GLYATL2: variants seen among roughly 807,000 people sequenced by gnomAD.
GLYATL2 encodes the protein glycine N-acyltransferase-like protein 2.
A neutral mutation model predicts 21.4 loss-of-function variants in GLYATL2; 25 were observed. The observed-to-expected ratio is 1.17, with a 90% CI of 0.85 to 1.63. The LOEUF (loss-of-function observed/expected upper bound fraction) is 1.63, where lower values mean the gene tolerates loss of function less well. Ranked by LOEUF, GLYATL2 falls within the 40% of genes most tolerant of loss-of-function variation. GLYATL2 has a pLI of 0.00. For missense variants in GLYATL2, 361 were observed against 343.3 expected (o/e 1.05, Z -0.41); for synonymous variants, 114 against 118.2 (o/e 0.96, Z 0.23).
At chr11:58,861,412 AG>A (rs1360608660) in intron 1 of GLYATL2, among the ~76,000 whole-genome samples, 1 of 151,144 alleles carries the variant, frequency 6.6e-6, no homozygotes, top group Non-Finnish European at 1.5e-5. Flanking sequence ...TTGTGATATA[AG>A]TTGTAATGTC....
At chr11:58,858,885 G>T (rs1853880960) in intron 1 of GLYATL2, among the ~76,000 whole-genome samples, 1 of 152,132 alleles carries the variant, frequency 6.6e-6, no homozygotes, top group African/African-American at 2.4e-5. Context: ...GATTTAGAGA[G>T]CATCACTGTC....
chr11:58,878,828 C>T (rs1854283523), intron 1 of GLYATL2, among the ~76,000 whole-genome samples: 1 of 152,160 alleles, frequency 6.6e-6, no homozygotes, highest in Non-Finnish European at 1.5e-5. Flanking sequence ...ATGGCAAAAT[C>T]TTACTAAAGA....
Position 58,862,280 on chromosome 11 carries a change from T to C in GLYATL2, n.61-23912A>G, listed in dbSNP as rs1487874511. On this transcript the variant is annotated intron_variant and non_coding_transcript_variant, in intron 1 of 4. Transcript: ENST00000533636. Reference sequence around the variant, plus strand: ...TTTGATAGTTTAATTAAAATATATCTTGTATTCTTGAAGGGATTGAATCTT... The same window carrying C: ...TTTGATAGTTTAATTAAAATATATCCTGTATTCTTGAAGGGATTGAATCTT... Among the ~76,000 whole-genome samples the C allele has an allele frequency of 1.1e-4, 16 of 152,334 alleles. No homozygotes were observed. In the East Asian group the frequency reaches 1.9e-3, roughly 18 times the overall value.
chr11:58,865,413 T>A (rs1854006563), intron 1 of GLYATL2, among the ~76,000 whole-genome samples: 1 of 149,092 alleles, frequency 6.7e-6, no homozygotes, highest in Admixed American at 6.9e-5. Context: ...GAGAAAAGTT[T>A]CCAGATCAAA....
At chr11:58,887,078 G>A (rs1008459419) in intron 1 of GLYATL2, among the ~76,000 whole-genome samples, 8 of 152,172 alleles carry the variant, frequency 5.3e-5, no homozygotes, top group South Asian at 2.1e-4. Context: ...AGGAGGTCAA[G>A]TAGTTCTTTT....
intron 1 of GLYATL2, among the ~76,000 whole-genome samples, chr11:58,883,275 A>T (rs779038780): frequency 6.6e-6 from 1 of 152,168 alleles, no homozygotes; most frequent in African/African-American, 2.4e-5. Flanking sequence ...CAATGAATCC[A>T]GGAGCTGGTT....
intron 4 of GLYATL2, 46 bp from the exon 5 acceptor site, chr11:58,837,223 G>A (rs376645959): frequency 7.9e-5 from 127 of 1,612,498 alleles, no homozygotes; most frequent in Middle Eastern, 1.6e-4. Flanking sequence ...CTTCCATATC[G>A]GCTAGGAATA....
At chr11:58,891,267 C>T (rs1854539002) in intron 1 of GLYATL2, among the ~76,000 whole-genome samples, 1 of 152,128 alleles carries the variant, frequency 6.6e-6, no homozygotes, top group South Asian at 2.1e-4. Context: ...GTTTATATTT[C>T]CCCTGAGAAA....
intron 1 of GLYATL2, among the ~76,000 whole-genome samples, chr11:58,895,859 C>CTT (rs146831694): frequency 2.8e-5 from 4 of 143,578 alleles, no homozygotes; most frequent in Admixed American, 7.0e-5. Flanking sequence ...GAGGTTTCCT[C>CTT]TTTTTTTTTT....
rs267603035 is a variant in GLYATL2, at chr11:58,838,275, G to A, written c.172C>T (p.Arg58Trp). Residue 58 changes from arginine (R) to tryptophan (W), a missense_variant, in exon 3 of 6, where the codon CGG (arginine) becomes TGG (tryptophan). By Grantham distance (101) the Arg-to-Trp change is moderately radical. Coordinates refer to ENST00000287275, the MANE Select transcript of GLYATL2 (RefSeq NM_145016.4). Reference sequence around the variant, plus strand: ...ATTGCTCCTACCTGTTTCTGAGGCCGGGTAATGACGATCTGGTAATCTGGC... The same window carrying A: ...ATTGCTCCTACCTGTTTCTGAGGCCAGGTAATGACGATCTGGTAATCTGGC... ...AWPDYQIVIT[R>W]PQKQEMKDDQ... The A allele has an allele frequency of 2.0e-5, 32 of 1,610,314 alleles. No individual in the cohort carries two copies. Among genetic ancestry groups the A allele is most frequent in the African/African-American group, 8.0e-5 (6 of 74,774 alleles).
chr11:58,893,257 A>G (rs1363237266), intron 1 of GLYATL2: 1 of 263,220 alleles, frequency 3.8e-6, no homozygotes. Flanking sequence ...CTACAGCATG[A>G]AAAAATACCG....
At chr11:58,903,776 T>C (rs1211828681) in intron 1 of GLYATL2, among the ~76,000 whole-genome samples, 1 of 152,228 alleles carries the variant, frequency 6.6e-6, no homozygotes, top group Non-Finnish European at 1.5e-5. Flanking sequence ...GTCTTTTATT[T>C]TGATCTATGC....
chr11:58,871,306 TAA>T (rs1358547429), intron 1 of GLYATL2, among the ~76,000 whole-genome samples: 1 of 152,060 alleles, frequency 6.6e-6, no homozygotes, highest in Non-Finnish European at 1.5e-5. Flanking sequence ...TATTATACTT[TAA>T]GTTTTAGGGT....
At chr11:58,867,421 T>A (rs1409241430) in intron 1 of GLYATL2, among the ~76,000 whole-genome samples, 1 of 148,612 alleles carries the variant, frequency 6.7e-6, no homozygotes, top group East Asian at 2.2e-4. Flanking sequence ...AACATTAGAA[T>A]CTCAAATTTG....
At position 58,871,445 on chromosome 11, in the gene GLYATL2, C is replaced by G. The variant is rs187438649; in HGVS notation, n.60+32711G>C. ...GCTATCCCTCCCCCCTCCCCCACCC[C>G]ACAACAGGCCCCGGTGTGTGATGTT... On this transcript the variant is annotated intron_variant and non_coding_transcript_variant, in intron 1 of 4. Coordinates refer to the GLYATL2 transcript ENST00000533636. Among the ~76,000 whole-genome samples the G allele has an allele frequency of 8.7e-3, 1,284 of 147,136 alleles. 7 individuals carry two copies. The highest frequency in any genetic ancestry group is 0.015 in the Non-Finnish European group (990 of 66,766).
At chr11:58,869,465 C>G (rs1377222597) in intron 1 of GLYATL2, among the ~76,000 whole-genome samples, 1 of 152,126 alleles carries the variant, frequency 6.6e-6, no homozygotes, top group Non-Finnish European at 1.5e-5. Flanking sequence ...AATTTTGGTT[C>G]ACAGCCTTCA....
At chr11:58,844,335 G>A (rs1434551481) in intron 1 of GLYATL2, 99 bp downstream of exon 1, 1 of 151,930 alleles carries the variant, frequency 6.6e-6, no homozygotes, top group East Asian at 1.9e-4. Context: ...GGTTTGCAGG[G>A]GAAAAGAAAT....
Position 58,870,290 on chromosome 11 carries a change from C to T in GLYATL2, n.61-31922G>A, listed in dbSNP as rs549056885. On this transcript the variant is annotated intron_variant and non_coding_transcript_variant, in intron 1 of 4. Transcript: ENST00000533636. ...GTCTAATGATAAAACAGAATGCATG[C>T]AGAAGAAAAAGGACAGCTACGTGCT... Among the ~76,000 whole-genome samples, 71 of 152,104 alleles carry T rather than the reference C, an allele frequency of 4.7e-4. 2 individuals carry two copies. The South Asian group carries it at 0.015, about 31-fold the overall frequency.
intron 1 of GLYATL2, among the ~76,000 whole-genome samples, chr11:58,841,511 C>T (rs1387798263): frequency 6.6e-6 from 1 of 152,154 alleles, no homozygotes; most frequent in Non-Finnish European, 1.5e-5. Flanking sequence ...TTCTGAAGGA[C>T]ATTTTAAAGA....
Sources: gnomAD v4.1 joint callset for allele counts (sites outside exome capture counted in the v4.1 genomes callset) on GRCh38, gnomAD v4.1.1 for gene constraint, MANE v1.5 for transcripts, NCBI Gene and HGNC (gene_info 2026-07-23, HGNC 2026-07-21) for gene names.